Variants in TMEM245 observed in about 807,000 individuals in gnomAD.
The protein encoded by TMEM245 is protein CG-2.
TMEM245 carries 69 observed loss-of-function variants against 101.2 expected under a neutral mutation model. The observed-to-expected ratio is 0.68, with a 90% CI of 0.56 to 0.83. The LOEUF (loss-of-function observed/expected upper bound fraction) is 0.83, where lower values mean the gene tolerates loss of function less well. TMEM245 is among the 40% of genes least tolerant of loss of function. TMEM245 has a pLI of 0.00. For missense variants in TMEM245, 1,075 were observed against 1,092.8 expected (o/e 0.98, Z 0.23); for synonymous variants, 537 against 449.8 (o/e 1.19, Z -2.45).
Position 109,109,060 on chromosome 9 carries a change from T to C in TMEM245, c.580-490A>G, listed in dbSNP as rs937824439. ...TACTGGGGAAATAACTCTGTAAAAG[T>C]AAGAAAGCAGCCAGCTGAAGTGTGA... On this transcript the variant is annotated intron_variant, in intron 1 of 17. Transcript: ENST00000374586. Among the ~76,000 whole-genome samples the C allele has an allele frequency of 2.0e-5, 3 of 152,248 alleles. 1 individual carries two copies. The highest frequency in any genetic ancestry group is 7.2e-5 in the African/African-American group (3 of 41,568).
At chr9:109,052,808 TAAA>T (rs943132026) in intron 12 of TMEM245, among the ~76,000 whole-genome samples, 3 of 149,140 alleles carry the variant, frequency 2.0e-5, no homozygotes, top group African/African-American at 7.4e-5. Flanking sequence ...GAATTTTTAT[TAAA>T]AAAAAAAATT....
intron 8 of TMEM245, among the ~76,000 whole-genome samples, chr9:109,073,870 T>TG (rs915607982): frequency 6.7e-6 from 1 of 149,830 alleles, no homozygotes; most frequent in Non-Finnish European, 1.5e-5. Flanking sequence ...TTTTTTTTTT[T>TG]TTTTTAGCCA....
intron 17 of TMEM245, among the ~76,000 whole-genome samples, chr9:109,021,947 T>C (rs1827638321): frequency 6.6e-6 from 1 of 152,210 alleles, no homozygotes; most frequent in Non-Finnish European, 1.5e-5. Flanking sequence ...AAGCTTTTAT[T>C]AGGTACAATC....
At chr9:109,100,195 AACT>A (rs1830248352) in intron 3 of TMEM245, among the ~76,000 whole-genome samples, 1 of 152,228 alleles carries the variant, frequency 6.6e-6, no homozygotes. Flanking sequence ...AGGAGCTGAC[AACT>A]ACAACTGATG....
At chr9:109,034,305 A>G (rs983223298) in intron 16 of TMEM245, among the ~76,000 whole-genome samples, 1 of 152,238 alleles carries the variant, frequency 6.6e-6, no homozygotes, top group African/African-American at 2.4e-5. Flanking sequence ...AATCAAAGTA[A>G]GACTTGTGGA....
intron 10 of TMEM245, among the ~76,000 whole-genome samples, chr9:109,063,673 C>T (rs764805770): frequency 6.6e-6 from 1 of 152,142 alleles, no homozygotes. Context: ...TAATCCTTAA[C>T]TGTGCTGCCT....
intron 10 of TMEM245, among the ~76,000 whole-genome samples, chr9:109,062,131 A>G (rs1829035860): frequency 6.6e-6 from 1 of 152,128 alleles, no homozygotes; most frequent in Admixed American, 6.5e-5. Context: ...AAGACAGCCA[A>G]GTAGCTGGGA....
At chr9:109,090,612 T>C (rs1829970961) in intron 5 of TMEM245, among the ~76,000 whole-genome samples, 1 of 151,278 alleles carries the variant, frequency 6.6e-6, no homozygotes, top group Admixed American at 6.6e-5. Flanking sequence ...TAGTCCCAGC[T>C]ACTCGGGAGG....
chr9:109,090,023 G>A (rs1256170115), intron 5 of TMEM245, among the ~76,000 whole-genome samples: 5 of 152,156 alleles, frequency 3.3e-5, no homozygotes, highest in Non-Finnish European at 5.9e-5. Context: ...CACTTTGGGA[G>A]GCGGAGGTGA....
At chr9:109,104,464 TC>T (rs952972001) in intron 3 of TMEM245, among the ~76,000 whole-genome samples, 8 of 151,840 alleles carry the variant, frequency 5.3e-5, no homozygotes, top group Admixed American at 3.3e-4. Flanking sequence ...ATGGCAATGC[TC>T]CCCCCCGCCC....
chr9:109,107,624 T>G (rs555762530), intron 2 of TMEM245, among the ~76,000 whole-genome samples: 1 of 152,292 alleles, frequency 6.6e-6, no homozygotes, highest in South Asian at 2.1e-4. Context: ...TTGTTTGACA[T>G]CAAACGAAGA....
At chr9:109,063,981 G>A (rs1270931880) in intron 10 of TMEM245, among the ~76,000 whole-genome samples, 1 of 152,132 alleles carries the variant, frequency 6.6e-6, no homozygotes, top group Non-Finnish European at 1.5e-5. Context: ...ACCAAGCTCT[G>A]CAATTTACTA....
Position 109,020,464 on chromosome 9 carries a change from C to A in TMEM245, c.2636G>T (p.Gly879Val), listed in dbSNP as rs1827586346. The change falls in exon 18 of 18, where the codon GGT becomes GTT. Residue 879 changes from glycine to valine, a missense_variant. This residue lies in a region of TMEM245 where 267 missense variants were observed against 351.3 expected (regional missense o/e 0.76). Transcript: ENST00000374586. Reference protein sequence around the residue: ...DISEDLKSSVG With the variant: ...DISEDLKSSVV ...ATCACTGCAGAGGAAACCACATCAA[C>A]CTACTGAAGATTTCAGATCTTCAGA... The A allele has an allele frequency of 6.2e-7, 1 of 1,614,084 alleles. No homozygotes were observed. Among genetic ancestry groups the A allele is most frequent in the East Asian group, 2.2e-5 (1 of 44,886 alleles).
chr9:109,115,353 A>G (rs2132676281), intron 1 of TMEM245, among the ~76,000 whole-genome samples: 1 of 152,030 alleles, frequency 6.6e-6, no homozygotes, highest in East Asian at 1.9e-4. Context: ...TCAAAATATA[A>G]GAAGAAAAAA....
At chr9:109,082,793 C>A (rs1829705849) in intron 7 of TMEM245, among the ~76,000 whole-genome samples, 1 of 151,652 alleles carries the variant, frequency 6.6e-6, no homozygotes. Flanking sequence ...ATTACAATAT[C>A]CAATTTTTTA....
chr9:109,098,022 T>C (rs1166638467), intron 3 of TMEM245, among the ~76,000 whole-genome samples: 5 of 152,190 alleles, frequency 3.3e-5, no homozygotes, highest in African/African-American at 1.2e-4. Context: ...GCTTCGACAG[T>C]ATAAACTAGA....
chr9:109,103,120 CA>C (rs1292201830), intron 3 of TMEM245, among the ~76,000 whole-genome samples: 1 of 152,144 alleles, frequency 6.6e-6, no homozygotes, highest in Non-Finnish European at 1.5e-5. Context: ...AGCAATCAGG[CA>C]AGAAAAATAA....
intron 7 of TMEM245, among the ~76,000 whole-genome samples, chr9:109,081,148 T>C (rs935930726): frequency 2.0e-5 from 3 of 152,146 alleles, no homozygotes; most frequent in African/African-American, 7.2e-5. Context: ...ATTACTGTCA[T>C]AGCTAAGAAA....
rs540272773 is a variant in TMEM245, at chr9:109,066,063, C to A, written c.1533-1496G>T. ...ATAAATTAAAAAGTAGACTATTAAA[C>A]CAGTAGTGGGTTGAATCTTAAGTAT... On this transcript the variant is annotated intron_variant, in intron 9 of 17. Transcript: ENST00000374586. 3.9e-5 allele frequency among the ~76,000 whole-genome samples: 6 copies of A among 152,238 alleles called. No homozygotes were observed. In the South Asian group the frequency reaches 1.0e-3, roughly 26 times the overall value.
Sources: allele counts gnomAD v4.1 joint callset (sites outside exome capture counted in the v4.1 genomes callset), GRCh38; gene constraint gnomAD v4.1.1; regional missense constraint gnomAD v4.1.1; transcripts MANE v1.5; gene names NCBI Gene and HGNC (gene_info 2026-07-23, HGNC 2026-07-21).